The following FAM151A variants were observed in gnomAD, a reference collection of about 807,000 sequenced individuals.
FAM151A encodes protein FAM151A.
Under a neutral mutation model 40.4 loss-of-function variants are expected in FAM151A, and 41 were observed. The observed-to-expected ratio is 1.01, with a 90% confidence interval of 0.79 to 1.32. The LOEUF (loss-of-function observed/expected upper bound fraction) is 1.32. FAM151A is among the 40% of genes most tolerant of loss of function. The pLI is 0.00. For synonymous variants in FAM151A, 337 were observed against 312.5 expected (o/e 1.08, Z -0.83); for missense variants, 740 against 740.4 (o/e 1.00, Z 0.01).
In FAM151A at chr1:54,609,839, T is replaced by C; in HGVS notation, c.1187A>G (p.Glu396Gly). The change falls in exon 8 of 8, where the codon GAG becomes GGG. Residue 396 changes from glutamate (E) to glycine (G), a missense_variant. By Grantham distance (98) the Glu-to-Gly change is moderately conservative. Transcript: ENST00000302250. ...TGTGGCCAGCTGCTGCAGGCAGGAC[T>C]CCAGCGTCAGGATGTTGCCACTTGG... ...HTPSGNILTLESCLQQLATHP... is the reference protein window; with the variant it reads ...HTPSGNILTLGSCLQQLATHP... The C allele has an allele frequency of 6.2e-7, 1 of 1,614,132 alleles. No individual in the cohort carries two copies. The highest frequency in any genetic ancestry group is 1.7e-4 in the Middle Eastern group (1 of 6,058).
intron 2 of FAM151A, among the ~76,000 whole-genome samples, chr1:54,617,067 G>A (rs1007108106): frequency 1.3e-5 from 2 of 152,174 alleles, no homozygotes; most frequent in Non-Finnish European, 2.9e-5. Context: ...TCTGATTCTT[G>A]TTCCTGCACA....
Position 54,609,911 on chromosome 1 carries a change from C to G in FAM151A, c.1115G>C (p.Gly372Ala). 6.2e-7 allele frequency: 1 copy of G among 1,609,180 alleles called. No homozygotes were observed. The highest frequency in any genetic ancestry group is 8.5e-7 in the Non-Finnish European group (1 of 1,179,788). Residue 372 changes from glycine to alanine, a missense_variant, in exon 8 of 8, where the codon GGC becomes GCC. Physicochemically the swap from Gly to Ala is moderately conservative, Grantham distance 60. Coordinates refer to ENST00000302250, the MANE Select transcript of FAM151A (RefSeq NM_176782.3). ...DTEGMILLNT[G>A]LEGTVAENPV... ...GTTTTCAGCCACAGTTCCCTCGAGG[C>G]CAGTGTTCAGCAGGATCATGCCTTC...
chr1:54,610,698 C>T, intron 6 of FAM151A, 143 bp from the exon 7 acceptor site: 1 of 1,416,694 alleles, frequency 7.1e-7, no homozygotes, highest in Non-Finnish European at 9.2e-7. Flanking sequence ...CATTTCCTTG[C>T]CTTGTAGACT....
chr1:54,617,887 C>T (rs544592332), intron 2 of FAM151A, among the ~76,000 whole-genome samples: 5 of 151,648 alleles, frequency 3.3e-5, no homozygotes, highest in South Asian at 4.2e-4. Context: ...CCACCATGCA[C>T]GGCTAATTTT....
At chr1:54,614,624 C>A in intron 4 of FAM151A, 76 bp downstream of exon 4, 1 of 1,471,418 alleles carries the variant, frequency 6.8e-7, no homozygotes, top group South Asian at 1.3e-5. Context: ...TCAGAGGTCC[C>A]CTAAGATCCC....
chr1:54,610,659 A>G (rs1350745125), intron 6 of FAM151A, 104 bp from the exon 7 acceptor site: 5 of 1,493,968 alleles, frequency 3.3e-6, no homozygotes, highest in Non-Finnish European at 4.5e-6. Flanking sequence ...ATCCTCTCTA[A>G]GCCTCATAGC....
intron 1 of FAM151A, among the ~76,000 whole-genome samples, chr1:54,620,845 C>CAAAAAAA (rs767625864): frequency 0.097 from 1,173 of 12,154 alleles, 246 homozygotes; most frequent in Middle Eastern, 0.25. Flanking sequence ...GAGACTCTGT[C>CAAAAAAA]AAAAAAAAAA....
At position 54,622,548 on chromosome 1, in the gene FAM151A, G is replaced by A. The variant is rs140322751; in HGVS notation, c.118+730C>T. Among the ~76,000 whole-genome samples the A allele has an allele frequency of 3.1e-3, 473 of 151,166 alleles. 4 individuals carry two copies. The highest frequency in any genetic ancestry group is 0.01 in the African/African-American group (426 of 41,104). ...AGCCAAGATCACACTCCAGCCTGGC[G>A]ACAGAGAGAGACTCCGTTTCAAAAA... is the stretch of plus-strand genomic sequence containing the variant. On this transcript the variant is annotated intron_variant, in intron 1 of 7. Transcript: ENST00000302250.
Position 54,610,438 on chromosome 1 carries a change from C to T in FAM151A, c.1058G>A (p.Gly353Asp), listed in dbSNP as rs150412566. 1.9e-6 allele frequency: 3 copies of T among 1,613,578 alleles called. No homozygotes were observed. In the African/African-American group the frequency reaches 4.0e-5, roughly 22 times the overall value. ...TGGGAGGGTCATTGTTGCTGTTTTA[C>T]CGCTGCCCTGGACGTCAGGAACCAG... ...EWLVPDVQGS[G>D]KTATMTLPDT... Residue 353 changes from glycine to aspartate, a missense_variant, in exon 7 of 8, where the codon GGT becomes GAT. Gly to Asp is a moderately conservative substitution (Grantham distance 94, BLOSUM62 -1). Coordinates refer to ENST00000302250, the MANE Select transcript of FAM151A (RefSeq NM_176782.3).
chr1:54,610,346 C>G, intron 7 of FAM151A, 66 bp downstream of exon 7: 1 of 1,578,502 alleles, frequency 6.3e-7, no homozygotes, highest in Non-Finnish European at 8.6e-7. Flanking sequence ...CCGGCGGTAC[C>G]TGCCCCAAGC....
chr1:54,610,034 GTCA>G (rs1644099287), intron 7 of FAM151A, 93 bp from the exon 8 acceptor site: 9 of 1,473,484 alleles, frequency 6.1e-6, no homozygotes, highest in African/African-American at 1.4e-5. Context: ...GAGTTATGGG[GTCA>G]TCAAGGACCT....
Position 54,610,401 on chromosome 1 carries a change from G to C in FAM151A, c.1084+11C>G, listed in dbSNP as rs757146308. The C allele has an allele frequency of 2.1e-5, 34 of 1,612,204 alleles. No individual in the cohort carries two copies. The highest frequency in any genetic ancestry group is 2.3e-5 in the Non-Finnish European group (27 of 1,178,952). The stretch of plus-strand genomic sequence containing the variant: ...GAGCTGGGAGCACCGGGGCTGAAGG[G>C]TAGACCTTACCTGGGAGGGTCATTG... On this transcript the variant is annotated intron_variant, in intron 7 of 7. Coordinates refer to ENST00000302250, the MANE Select transcript of FAM151A (RefSeq NM_176782.3).
At chr1:54,616,790 C>G (rs894397199) in intron 2 of FAM151A, among the ~76,000 whole-genome samples, 1 of 152,058 alleles carries the variant, frequency 6.6e-6, no homozygotes, top group African/African-American at 2.4e-5. Flanking sequence ...GCAAACAAGG[C>G]AAAAAAGCAA....
At chr1:54,622,957 C>T (rs1018301089) in intron 1 of FAM151A, among the ~76,000 whole-genome samples, 9 of 151,750 alleles carry the variant, frequency 5.9e-5, no homozygotes, top group African/African-American at 2.2e-4. Context: ...GGTGGATCAC[C>T]TGAGGTCAGG....
chr1:54,611,585 C>T (rs575890922), intron 6 of FAM151A, 21 bp downstream of exon 6: 2 of 1,613,020 alleles, frequency 1.2e-6, no homozygotes, highest in Admixed American at 3.3e-5. Context: ...CCACACCACC[C>T]TTCCCAATTC....
chr1:54,610,176 GTGCCGGCCTTGCCTGCAGCAATGTAGC>G, intron 7 of FAM151A: 1 of 1,433,054 alleles, frequency 7.0e-7, no homozygotes, highest in African/African-American at 1.4e-5. Context: ...CTGGGGGCTG[GTGCCGGCCTTGCCTGCAGCAATGTAGC>G]TGAGGACTGG....
At position 54,611,600 on chromosome 1, in the gene FAM151A, C is replaced by T; in HGVS notation, c.940+6G>A. 2 of 1,613,672 alleles carry T rather than the reference C, an allele frequency of 1.2e-6. No individual in the cohort carries two copies. The highest frequency in any genetic ancestry group is 1.1e-5 in the South Asian group (1 of 91,018). On this transcript the variant is annotated splice_donor_region_variant and intron_variant, in intron 6 of 7. Transcript: ENST00000302250. ...CCACACCACCCTTCCCAATTCCTCT[C>T]CTTACAGGCCAGCTGCTTGAACTGT...
intron 2 of FAM151A, among the ~76,000 whole-genome samples, chr1:54,617,709 ATTTTTTTTTTTTTTTTTTTTTT>A (rs56229276): frequency 5.4e-5 from 3 of 55,740 alleles, no homozygotes; most frequent in African/African-American, 2.2e-4. Context: ...AGGGCCTGAG[ATTTTTTTTTTTTTTTTTTTTTT>A]TTTTTTTTTT....
chr1:54,616,171 G>T lies in FAM151A; in HGVS notation c.264C>A (p.Ser88Arg). ...CGTCAGCCTCCAGGACTGTGATGTT[G>T]CCTGTGGAAGGGGCAACAACTCAGT... is the stretch of plus-strand genomic sequence containing the variant. ...SKKAMTAALNSNITVLEADVN... is the reference protein window; with the variant it reads ...SKKAMTAALNRNITVLEADVN... Residue 88 changes from serine (S) to arginine (R), a missense_variant and splice_region_variant, in exon 3 of 8, where the codon AGC becomes AGA. Physicochemically the swap from Ser to Arg is moderately radical, Grantham distance 110. Transcript: ENST00000302250. 1.2e-6 allele frequency: 2 copies of T among 1,612,812 alleles called. No individual in the cohort carries two copies. Among genetic ancestry groups the T allele is most frequent in the Non-Finnish European group, 1.7e-6 (2 of 1,179,174 alleles).
Sources: gnomAD v4.1 joint callset for allele counts (sites outside exome capture counted in the v4.1 genomes callset) on GRCh38, gnomAD v4.1.1 for gene constraint, MANE v1.5 for transcripts, NCBI Gene and HGNC (gene_info 2026-07-23, HGNC 2026-07-21) for gene names.